Variants in NOL4L observed in about 807,000 individuals in gnomAD.
NOL4L encodes nucleolar protein 4-like.
In NOL4L, 7 loss-of-function variants were observed where a neutral mutation model predicts 64.5. That is an observed-to-expected ratio of 0.11 (90% confidence interval 0.06 to 0.20). The LOEUF (loss-of-function observed/expected upper bound fraction) is 0.20. Ranked by LOEUF, NOL4L falls within the 10% of genes least tolerant of loss-of-function variation. The probability of loss-of-function intolerance (pLI) is 1.00; values close to 1 mark genes in which losing one functional copy is unlikely to be tolerated. For synonymous variants in NOL4L, 413 were observed against 401.0 expected, an observed-to-expected ratio of 1.03 and a Z score of -0.36; for missense variants, 680 against 967.1, an observed-to-expected ratio of 0.70 and a Z score of 3.94.
intron 10 of NOL4L, among the ~76,000 whole-genome samples, chr20:32,448,440 G>A (rs537967248): frequency 1.2e-4 from 19 of 152,344 alleles, no homozygotes; most frequent in African/African-American, 3.6e-4. Flanking sequence ...CTGGTTGTCT[G>A]GGGGGAGAGG....
chr20:32,526,502 T>TAA lies in NOL4L; in HGVS notation c.477+1254_477+1255dup, dbSNP rs1173126909. Among the ~76,000 whole-genome samples the TAA allele has an allele frequency of 2.0e-3, 251 of 127,164 alleles. 1 individual carries two copies. Among genetic ancestry groups the TAA allele is most frequent in the African/African-American group, 6.2e-3 (216 of 34,946 alleles). 83.4% of individuals were successfully genotyped at this position (127,164 alleles called of 152,430 possible). On this transcript the variant is annotated intron_variant, in intron 2 of 10. Transcript: ENST00000621426. ...ACAAGGACTAACCGGATGGTTGCAT[T>TAA]AAAAAAAAAAAAAAAAAGATGGGCC... is the stretch of plus-strand genomic sequence containing the variant.
At chr20:32,515,953 AATG>A (rs1175736553) in intron 3 of NOL4L, among the ~76,000 whole-genome samples, 1 of 152,198 alleles carries the variant, frequency 6.6e-6, no homozygotes, top group Non-Finnish European at 1.5e-5. Context: ...GAGAATAATC[AATG>A]ATGTGGGTGC....
intron 9 of NOL4L, 126 bp downstream of exon 9, chr20:32,452,758 C>T: frequency 6.9e-7 from 1 of 1,451,144 alleles, no homozygotes; most frequent in Non-Finnish European, 9.3e-7. Flanking sequence ...TGTCTTTGCC[C>T]TCCTGTTCCC....
At position 32,447,403 on chromosome 20, in the gene NOL4L, CAAAAAAAAAAAAA is replaced by C. The variant is rs386393630; in HGVS notation, c.*180_*192del. 24 of 151,832 alleles carry C rather than the reference CAAAAAAAAAAAAA, an allele frequency of 1.6e-4. 1 individual carries two copies. Among genetic ancestry groups the C allele is most frequent in the African/African-American group, 2.2e-4 (3 of 13,416 alleles). The allele number at this position is 151,832 out of a possible 1,614,324, so 9.4% of individuals were successfully genotyped here. The stretch of plus-strand genomic sequence containing the variant: ...TCAGAGCACCCGTGTGGTGAGATTC[CAAAAAAAAAAAAA>C]AAAAAAAAAAAAAGTGTCCTTGTGC... On this transcript the variant is annotated 3_prime_UTR_variant, in exon 11 of 11. Coordinates refer to ENST00000621426, the MANE Select transcript of NOL4L (RefSeq NM_001256798.2).
chr20:32,534,225 A>G (rs1294198314), intron 1 of NOL4L, among the ~76,000 whole-genome samples: 2 of 152,138 alleles, frequency 1.3e-5, no homozygotes, highest in Non-Finnish European at 2.9e-5. Flanking sequence ...AGAAGAAAAA[A>G]CCACAGAGAA....
chr20:32,561,928 G>A (rs905779054), intron 1 of NOL4L, among the ~76,000 whole-genome samples: 6 of 152,164 alleles, frequency 3.9e-5, no homozygotes, highest in Admixed American at 3.3e-4. Flanking sequence ...GGTTGAGGCT[G>A]CAATGAGCCG....
rs954449477 is a variant in NOL4L at position 32,460,479 on chromosome 20, G to A, written c.842-4084C>T. 2.6e-5 allele frequency among the ~76,000 whole-genome samples: 4 copies of A among 152,148 alleles called. No individual in the cohort carries two copies. Among genetic ancestry groups the A allele is most frequent in the Non-Finnish European group, 5.9e-5 (4 of 68,026 alleles). ...CCTGAGGCCCATGTTTTGCCGACTG[G>A]GGAGGCCACAGGTTTGAGCCGCGGA... On this transcript the variant is annotated intron_variant, in intron 5 of 10. Coordinates refer to ENST00000621426, the MANE Select transcript of NOL4L (RefSeq NM_001256798.2). The surrounding 1 kb of genome is among the most constrained non-coding windows in gnomAD (Gnocchi z 5.7).
intron 4 of NOL4L, among the ~76,000 whole-genome samples, chr20:32,477,322 G>A (rs950575345): frequency 7.2e-5 from 11 of 152,312 alleles, no homozygotes; most frequent in Non-Finnish European, 1.6e-4. Context: ...CCAAGGTCAC[G>A]AGCTAACACG....
intron 4 of NOL4L, among the ~76,000 whole-genome samples, chr20:32,487,748 A>G (rs2016152290): frequency 6.6e-6 from 1 of 152,156 alleles, no homozygotes; most frequent in African/African-American, 2.4e-5. Context: ...AGATGAGATT[A>G]TAAAGGAGCA....
In NOL4L at chr20:32,580,066, G is replaced by A. The variant is rs949983564; in HGVS notation, c.321+4504C>T. Among the ~76,000 whole-genome samples the A allele has an allele frequency of 2.6e-5, 4 of 152,238 alleles. No individual in the cohort carries two copies. In the South Asian group the frequency reaches 6.2e-4, roughly 24 times the overall value. ...GTGTAATGGACTGAAAGCTTGACAT[G>A]AAGGACCTGTGCTTTCAAATTGGAT... is the stretch of plus-strand genomic sequence containing the variant. On this transcript the variant is annotated intron_variant, in intron 1 of 10. Coordinates refer to ENST00000621426, the MANE Select transcript of NOL4L (RefSeq NM_001256798.2).
chr20:32,511,091 C>G (rs572342556), intron 4 of NOL4L: 1 of 358,486 alleles, frequency 2.8e-6, no homozygotes, highest in Non-Finnish European at 5.1e-6. Context: ...CCTCCTCCCC[C>G]TCCTCCCACG....
chr20:32,571,974 G>T (rs746382093), intron 1 of NOL4L, among the ~76,000 whole-genome samples: 73 of 152,214 alleles, frequency 4.8e-4, no homozygotes, highest in Non-Finnish European at 8.4e-4. Context: ...CCTACCAACA[G>T]ACCCTGCTTG....
chr20:32,488,847 CTTTCTT>C (rs1568649096), intron 4 of NOL4L, among the ~76,000 whole-genome samples: 1 of 66,194 alleles, frequency 1.5e-5, no homozygotes, highest in Non-Finnish European at 2.6e-5. Context: ...TTCTTTCTTT[CTTTCTT>C]TCTTTCTTTC....
intron 1 of NOL4L, among the ~76,000 whole-genome samples, chr20:32,544,322 G>A (rs1201660385): frequency 1.3e-5 from 2 of 151,910 alleles, no homozygotes; most frequent in Non-Finnish European, 2.9e-5. Context: ...AGAAAGGAAG[G>A]GGGAAGGGGT....
At chr20:32,513,734 A>G in intron 3 of NOL4L, among the ~76,000 whole-genome samples, 1 of 151,656 alleles carries the variant, frequency 6.6e-6, no homozygotes, top group East Asian at 2.0e-4. Flanking sequence ...GTGTGGTGGC[A>G]CGTGCCTGAA....
intron 4 of NOL4L, among the ~76,000 whole-genome samples, chr20:32,492,473 C>T (rs752661561): frequency 9.9e-5 from 15 of 152,218 alleles, no homozygotes; most frequent in Non-Finnish European, 2.1e-4. Context: ...TGTTTTGTTT[C>T]TTGATCTGGA....
intron 10 of NOL4L, among the ~76,000 whole-genome samples, chr20:32,449,114 G>A (rs2012609213): frequency 6.6e-6 from 1 of 152,218 alleles, no homozygotes; most frequent in African/African-American, 2.4e-5. Flanking sequence ...ATTCTACAAG[G>A]TGTTCGGCAA....
intron 1 of NOL4L, among the ~76,000 whole-genome samples, 168 bp downstream of exon 1, chr20:32,584,402 G>A (rs1313738085): frequency 3.3e-5 from 5 of 150,726 alleles, no homozygotes; most frequent in African/African-American, 1.2e-4. Context: ...GCCCAGGCGA[G>A]CCGGGAAGGG....
intron 1 of NOL4L, among the ~76,000 whole-genome samples, chr20:32,537,680 G>A (rs996496106): frequency 3.3e-5 from 5 of 151,952 alleles, no homozygotes; most frequent in Admixed American, 6.6e-5. Context: ...TTCAGCCCAC[G>A]CAGGTTCTGT....
Sources: gnomAD v4.1 joint callset for allele counts (sites outside exome capture counted in the v4.1 genomes callset) on GRCh38, gnomAD v4.1.1 for gene constraint, Gnocchi (gnomAD v3.1) non-coding constraint, MANE v1.5 for transcripts, NCBI Gene and HGNC (gene_info 2026-07-23, HGNC 2026-07-21) for gene names.